MRPS6: variants seen among roughly 807,000 people sequenced by gnomAD.
MRPS6 encodes mitochondrial ribosomal protein S6.
MRPS6 carries 6 observed loss-of-function variants against 13.1 expected under a neutral mutation model. That is an observed-to-expected ratio of 0.46 (90% CI 0.25 to 0.91). The LOEUF (loss-of-function observed/expected upper bound fraction) is 0.91. Ranked by LOEUF, MRPS6 falls within the 40% of genes least tolerant of loss-of-function variation. The pLI is 0.18. For missense variants in MRPS6, 164 were observed against 155.6 expected (o/e 1.05, Z -0.29); for synonymous variants, 61 against 56.5 (o/e 1.08, Z -0.36).
intron 2 of MRPS6, among the ~76,000 whole-genome samples, chr21:34,138,267 C>T (rs1159359055): frequency 6.6e-6 from 1 of 151,680 alleles, no homozygotes; most frequent in Non-Finnish European, 1.5e-5. Flanking sequence ...TTAATTAGAT[C>T]CCATTGGTCA....
intron 1 of MRPS6, chr21:34,103,111 G>A (rs1204893880): frequency 1.0e-6 from 1 of 999,860 alleles, no homozygotes; most frequent in African/African-American, 1.7e-5. Context: ...CAGAAACGAG[G>A]CTTATTGCTA....
intron 2 of MRPS6, among the ~76,000 whole-genome samples, chr21:34,133,639 G>A (rs2123267819): frequency 6.6e-6 from 1 of 152,300 alleles, no homozygotes; most frequent in East Asian, 1.9e-4. Flanking sequence ...GGAGCACTCG[G>A]CAGTGGTGGT....
chr21:34,115,021 T>A (rs1018498310), intron 1 of MRPS6, among the ~76,000 whole-genome samples: 1 of 152,220 alleles, frequency 6.6e-6, no homozygotes, highest in Non-Finnish European at 1.5e-5. Context: ...AAAGGCATTT[T>A]GCCTACCTTG....
At chr21:34,113,131 C>A (rs80313910) in intron 1 of MRPS6, among the ~76,000 whole-genome samples, 1 of 152,092 alleles carries the variant, frequency 6.6e-6, no homozygotes, top group Non-Finnish European at 1.5e-5. Flanking sequence ...TGTTGCACAC[C>A]GTTGGTGGGA....
At chr21:34,100,724 T>C (rs1979198666) in intron 1 of MRPS6, 1 of 999,906 alleles carries the variant, frequency 1.0e-6, no homozygotes, top group African/African-American at 1.8e-5. Flanking sequence ...TTAACTCTTG[T>C]GAGAGCCAAT....
intron 1 of MRPS6, among the ~76,000 whole-genome samples, chr21:34,112,301 T>A (rs1979732910): frequency 6.6e-6 from 1 of 152,178 alleles, no homozygotes; most frequent in African/African-American, 2.4e-5. Context: ...AGAAGCAATT[T>A]GAAGAGGTTT....
intron 1 of MRPS6, chr21:34,099,692 A>G (rs1297158126): frequency 6.0e-6 from 6 of 998,056 alleles, no homozygotes; most frequent in East Asian, 1.1e-4. Context: ...TGTCTTAGTA[A>G]GATACATAAG....
At chr21:34,086,802 C>T (rs1198722437) in intron 1 of MRPS6, among the ~76,000 whole-genome samples, 1 of 7,728 alleles carries the variant, frequency 1.3e-4, no homozygotes, top group Non-Finnish European at 2.3e-4. Context: ...TTTGTGGGAA[C>T]TCTGAACTCA....
At chr21:34,141,808 G>A (rs991002291) in intron 2 of MRPS6, among the ~76,000 whole-genome samples, 4 of 152,200 alleles carry the variant, frequency 2.6e-5, no homozygotes, top group Non-Finnish European at 5.9e-5. Context: ...GATGCCCGTC[G>A]ACATTAGTCT....
At position 34,135,721 on chromosome 21, in the gene MRPS6, A is replaced by G. The variant is rs149175068; in HGVS notation, c.186-6687A>G. 61 of 414,274 alleles carry G rather than the reference A, an allele frequency of 1.5e-4. No individual in the cohort carries two copies. The East Asian group carries it at 3.4e-3, about 23-fold the overall frequency. 25.7% of individuals were successfully genotyped at this position (414,274 alleles called of 1,614,324 possible). A position where few individuals can be genotyped will look rare whatever the true frequency, so the allele number is the denominator to read the frequency against. ...GATGATGGTGTTCACCAGGACCTGG[A>G]GGTGAGGGTTCTCGCCTGTGAGCAG... On this transcript the variant is annotated intron_variant, in intron 2 of 2. Coordinates refer to ENST00000399312, the MANE Select transcript of MRPS6 (RefSeq NM_032476.4).
At chr21:34,117,300 G>C (rs1266535334) in intron 1 of MRPS6, among the ~76,000 whole-genome samples, 1 of 152,062 alleles carries the variant, frequency 6.6e-6, no homozygotes, top group Non-Finnish European at 1.5e-5. Context: ...TCTGCTGTTA[G>C]TTCAGACCCA....
intron 1 of MRPS6, among the ~76,000 whole-genome samples, chr21:34,111,418 T>G (rs904617512): frequency 1.1e-4 from 16 of 152,200 alleles, no homozygotes; most frequent in African/African-American, 3.9e-4. Context: ...TGTCTCTGGC[T>G]TTTACTCCCA....
chr21:34,099,677 G>T, intron 1 of MRPS6: 1 of 997,656 alleles, frequency 1.0e-6, no homozygotes. Context: ...CCTTCTTTCT[G>T]CTCTTGTCTT....
chr21:34,085,905 A>G (rs1164578650), intron 1 of MRPS6, among the ~76,000 whole-genome samples: 1 of 152,132 alleles, frequency 6.6e-6, no homozygotes, highest in Admixed American at 6.5e-5. Flanking sequence ...CCCGGCCAGA[A>G]ATAAGGACTT....
At chr21:34,100,255 A>T (rs1322136799) in intron 1 of MRPS6, 3 of 1,000,178 alleles carry the variant, frequency 3.0e-6, no homozygotes, top group Non-Finnish European at 2.4e-6. Context: ...GGCAATTTTC[A>T]TCTCAAGATC....
At chr21:34,116,730 A>G (rs1260601568) in intron 1 of MRPS6, among the ~76,000 whole-genome samples, 1 of 152,106 alleles carries the variant, frequency 6.6e-6, no homozygotes, top group African/African-American at 2.4e-5. Flanking sequence ...GGTTTTATTC[A>G]GTGCCGGCAC....
chr21:34,117,369 G>T (rs898808570), intron 1 of MRPS6, among the ~76,000 whole-genome samples: 6 of 152,134 alleles, frequency 3.9e-5, no homozygotes, highest in African/African-American at 1.4e-4. Context: ...ATTTTTCAGG[G>T]TCTGGCTGAA....
intron 2 of MRPS6, among the ~76,000 whole-genome samples, chr21:34,137,205 C>G (rs1226948990): frequency 2.0e-5 from 3 of 152,148 alleles, no homozygotes; most frequent in African/African-American, 4.8e-5. Flanking sequence ...TGAGGTTCTA[C>G]TGAATGTCAA....
In MRPS6 at chr21:34,102,033, G is replaced by A. The variant is rs1031293238; in HGVS notation, c.46-23308G>A. The A allele has an allele frequency of 1.5e-5, 15 of 999,970 alleles. No individual in the cohort carries two copies. The African/African-American group carries it at 1.7e-4, about 12-fold the overall frequency. 61.9% of individuals were successfully genotyped at this position (999,970 alleles called of 1,614,324 possible). On this transcript the variant is annotated intron_variant, in intron 1 of 2. Coordinates refer to ENST00000399312, the MANE Select transcript of MRPS6 (RefSeq NM_032476.4). ...TAGAGGAACCCTTTTGTACTGGAAC[G>A]TATGAGGCTGGATTGTGAAAAGGTA...
Sources: allele counts gnomAD v4.1 joint callset (sites outside exome capture counted in the v4.1 genomes callset), GRCh38; gene constraint gnomAD v4.1.1; transcripts MANE v1.5; gene names NCBI Gene and HGNC (gene_info 2026-07-23, HGNC 2026-07-21).